DHTKD1: variants seen among roughly 807,000 people sequenced by gnomAD.
DHTKD1 encodes 2-oxoadipate dehydrogenase complex component E1.
A neutral mutation model predicts 101.8 loss-of-function variants in DHTKD1; 78 were observed. The ratio of observed to expected loss-of-function variants is 0.77; its 90% CI spans 0.64 to 0.93. The LOEUF is 0.93. Among genes scored for constraint, DHTKD1 ranks in the 40% least tolerant of loss-of-function variants. The pLI, the probability that DHTKD1 is intolerant of heterozygous loss-of-function variation, is 0.00. For missense variants in DHTKD1, 1,223 were observed against 1,161.7 expected, an observed-to-expected ratio of 1.05 and a Z score of -0.77; for synonymous variants, 462 against 450.3, an observed-to-expected ratio of 1.03 and a Z score of -0.33.
At chr10:12,111,017 G>T (rs1277052171) in intron 12 of DHTKD1, among the ~76,000 whole-genome samples, 5 of 140,404 alleles carry the variant, frequency 3.6e-5, no homozygotes, top group African/African-American at 1.3e-4. Flanking sequence ...CTGCATTCCA[G>T]CCTGGGCAAG....
At chr10:12,100,089 C>A in intron 8 of DHTKD1, 89 bp from the exon 9 acceptor site, 2 of 735,066 alleles carry the variant, frequency 2.7e-6, no homozygotes, top group South Asian at 1.8e-5. Context: ...AGCCACCATG[C>A]CTGGCCTGCA....
At position 12,069,091 on chromosome 10, in the gene DHTKD1, T is replaced by C. The variant is rs1279138; in HGVS notation, c.58T>C (p.Phe20Leu). ...RRGLGRALPL[F>L]WRGYQTERGV... is the part of the protein sequence containing the mutation. ...GGGCCTCGGCCGGGCTCTCCCTCTCTTCTGGCGTGGCTACCAGACCGAGCG... is the reference window on the plus strand; with the variant it reads ...GGGCCTCGGCCGGGCTCTCCCTCTCCTCTGGCGTGGCTACCAGACCGAGCG... Residue 20 changes from phenylalanine to leucine, a missense_variant, in exon 1 of 17, where the codon TTC (phenylalanine) becomes CTC (leucine). Coordinates refer to ENST00000263035, the MANE Select transcript of DHTKD1 (RefSeq NM_018706.7). 1,603,541 of 1,612,620 alleles carry C rather than the reference T, an allele frequency of 0.99. 797,667 individuals carry two copies. Among genetic ancestry groups the C allele is most frequent in the East Asian group, 1 (44,842 of 44,842 alleles).
intron 12 of DHTKD1, among the ~76,000 whole-genome samples, chr10:12,112,351 C>CT (rs1833346545): frequency 6.6e-6 from 1 of 152,110 alleles, no homozygotes; most frequent in South Asian, 2.1e-4. Flanking sequence ...TGTCAACTCT[C>CT]TTTCTTTCCT....
chr10:12,118,886 A>G lies in DHTKD1; in HGVS notation c.2540A>G (p.Gln847Arg), dbSNP rs1033452671. 3.1e-6 allele frequency: 5 copies of G among 1,599,390 alleles called. No individual in the cohort carries two copies. The highest frequency in any genetic ancestry group is 4.3e-6 in the Non-Finnish European group (5 of 1,173,858). ...TGCCCCTTCCCGTTGGATTCTTTAC[A>G]GCAAGAGATGAGCAAATACAAACAT... The part of the protein sequence containing the change: ...ELCPFPLDSL[Q>R]QEMSKYKHVK... The change falls in exon 15 of 17, where the codon CAG (glutamine) becomes CGG (arginine). Residue 847 changes from glutamine (Q) to arginine (R), a missense_variant. Gln to Arg is a conservative substitution (Grantham distance 43). Transcript: ENST00000263035.
intron 2 of DHTKD1, among the ~76,000 whole-genome samples, chr10:12,082,729 G>A (rs973671376): frequency 1.3e-5 from 2 of 151,720 alleles, no homozygotes; most frequent in African/African-American, 2.4e-5. Flanking sequence ...AACATAAAGC[G>A]ACATGATTAA....
Position 12,089,159 on chromosome 10 carries a change from C to T in DHTKD1, c.891C>T (p.Ala297=), listed in dbSNP as rs576048100. 29 of 1,614,140 alleles carry T rather than the reference C, an allele frequency of 1.8e-5. No homozygotes were observed. The highest frequency in any genetic ancestry group is 6.7e-5 in the African/African-American group (5 of 75,048). Residue 297 remains alanine, a synonymous_variant, in exon 5 of 17, where the codon GCC becomes GCT. Coordinates refer to ENST00000263035, the MANE Select transcript of DHTKD1 (RefSeq NM_018706.7). The stretch of plus-strand genomic sequence containing the variant: ...ACCTGGAGGCCGTCAACCCCGTGGC[C>T]GTGGGCAAAACTCGCGGCAGGCAGC... ...PSHLEAVNPV[A]VGKTRGRQQS...
intron 7 of DHTKD1, among the ~76,000 whole-genome samples, chr10:12,095,195 T>C: frequency 6.6e-6 from 1 of 152,196 alleles, no homozygotes; most frequent in Admixed American, 6.5e-5. Context: ...CTGTCCAAGA[T>C]GGAAGCCACT....
At chr10:12,093,876 T>C (rs1588610512) in intron 6 of DHTKD1, among the ~76,000 whole-genome samples, 197 bp from the exon 7 acceptor site, 1 of 152,184 alleles carries the variant, frequency 6.6e-6, no homozygotes, top group Non-Finnish European at 1.5e-5. Flanking sequence ...AGGTTGAGAT[T>C]TGTAGCTTTA....
intron 10 of DHTKD1, 129 bp from the exon 11 acceptor site, chr10:12,106,117 A>G: frequency 1.0e-6 from 1 of 989,480 alleles, no homozygotes; most frequent in East Asian, 2.4e-5. Context: ...ACAAACAAAC[A>G]AAAAGAATGT....
rs1265190092 is a variant in DHTKD1 at position 12,103,278 on chromosome 10, G to A, written c.1896+2097G>A. Among the ~76,000 whole-genome samples, 1 of 152,046 alleles carries A rather than the reference G, an allele frequency of 6.6e-6. No individual in the cohort carries two copies. The highest frequency in any genetic ancestry group is 1.5e-5 in the Non-Finnish European group (1 of 68,032). On this transcript the variant is annotated intron_variant, in intron 10 of 16. Coordinates refer to ENST00000263035, the MANE Select transcript of DHTKD1 (RefSeq NM_018706.7). The surrounding 1 kb of genome is among the most constrained non-coding windows in gnomAD (Gnocchi z 4.8). Reference sequence around the variant, plus strand: ...CATGTCCTCTATGTGAAGACCCTGGGAGAAACTCCTGCTTGATCTTGGTAG... The same window carrying A: ...CATGTCCTCTATGTGAAGACCCTGGAAGAAACTCCTGCTTGATCTTGGTAG...
At chr10:12,104,881 C>CT (rs142280262) in intron 10 of DHTKD1, among the ~76,000 whole-genome samples, 39,800 of 146,288 alleles carry the variant, frequency 0.27, 5,222 homozygotes, top group East Asian at 0.31. Flanking sequence ...ATTTTTTTTT[C>CT]TTTTTTTTTT....
chr10:12,085,494 A>G (rs1242300586), intron 3 of DHTKD1, among the ~76,000 whole-genome samples: 4 of 152,152 alleles, frequency 2.6e-5, no homozygotes, highest in African/African-American at 9.7e-5. Flanking sequence ...GGTTGCCAAA[A>G]TATTGACCTA....
chr10:12,076,975 TAAAA>T (rs61096299), intron 1 of DHTKD1, among the ~76,000 whole-genome samples: 9 of 61,832 alleles, frequency 1.5e-4, no homozygotes, highest in East Asian at 5.0e-4. Flanking sequence ...CTGTTTCTGA[TAAAA>T]AAAAAAAAAA....
At position 12,100,168 on chromosome 10, in the gene DHTKD1, A is replaced by AATT; in HGVS notation, c.1672-9_1672-7dup. ...GACGTTCCTTTTTTTTCTTCCTCTG[A>AATT]ATTTTACAGTCCAGAATGGAGAAGA... On this transcript the variant is annotated splice_polypyrimidine_tract_variant and intron_variant, in intron 8 of 16. Coordinates refer to ENST00000263035, the MANE Select transcript of DHTKD1 (RefSeq NM_018706.7). The AATT allele has an allele frequency of 6.6e-7, 1 of 1,525,038 alleles. No homozygotes were observed. Among genetic ancestry groups the AATT allele is most frequent in the Non-Finnish European group, 8.9e-7 (1 of 1,128,576 alleles). The allele number at this position is 1,525,038 out of a possible 1,614,324, so 94.5% of individuals were successfully genotyped here.
chr10:12,087,509 C>A lies in DHTKD1; in HGVS notation c.523-26C>A. The A allele has an allele frequency of 6.4e-7, 1 of 1,552,106 alleles. No individual in the cohort carries two copies. On this transcript the variant is annotated intron_variant, in intron 3 of 16. Transcript: ENST00000263035. The surrounding 1 kb of genome is among the most constrained non-coding windows in gnomAD (Gnocchi z 5.2). ...GGAGAAGCTGGCTGTCTCCTGGCAG[C>A]TCACGTCTGACATGATGTTCTGCAG...
chr10:12,084,514 A>G (rs375079225), intron 2 of DHTKD1, 26 bp from the exon 3 acceptor site: 6 of 1,397,578 alleles, frequency 4.3e-6, no homozygotes, highest in African/African-American at 1.4e-5. Flanking sequence ...ATTTTTTAAG[A>G]TGACCCCTTT....
At chr10:12,069,275 GAACC>G in intron 1 of DHTKD1, 88 bp downstream of exon 1, 2 of 736,070 alleles carry the variant, frequency 2.7e-6, no homozygotes, top group African/African-American at 1.9e-5. Flanking sequence ...CGGGGTCGGG[GAACC>G]GGCTGCCGGC....
chr10:12,120,369 T>C lies in DHTKD1; in HGVS notation c.2658+102T>C, dbSNP rs1715807956. 7.6e-6 allele frequency: 8 copies of C among 1,053,460 alleles called. No individual in the cohort carries two copies. The South Asian group carries it at 1.0e-4, about 13-fold the overall frequency. The allele number at this position is 1,053,460 out of a possible 1,614,324, so 65.3% of individuals were successfully genotyped here. Reference sequence around the variant, plus strand: ...TTTTTTTTGAGACAGAGTCTCACTCTGTTGCCCAGGCTGGAGTGCAGTGGC... The same window carrying C: ...TTTTTTTTGAGACAGAGTCTCACTCCGTTGCCCAGGCTGGAGTGCAGTGGC... On this transcript the variant is annotated intron_variant, in intron 16 of 16. Coordinates refer to ENST00000263035, the MANE Select transcript of DHTKD1 (RefSeq NM_018706.7).
At chr10:12,076,092 A>T (rs1328349923) in intron 1 of DHTKD1, among the ~76,000 whole-genome samples, 1 of 151,580 alleles carries the variant, frequency 6.6e-6, no homozygotes, top group Non-Finnish European at 1.5e-5. Flanking sequence ...TCAACTGATG[A>T]GAGCAGTGCT....
Sources: gnomAD v4.1 joint callset for allele counts (sites outside exome capture counted in the v4.1 genomes callset) on GRCh38, gnomAD v4.1.1 for gene constraint, Gnocchi (gnomAD v3.1) non-coding constraint, MANE v1.5 for transcripts, NCBI Gene and HGNC (gene_info 2026-07-23, HGNC 2026-07-21) for gene names.